Variants in MICAL2 observed in about 807,000 individuals in gnomAD.
The protein encoded by MICAL2 is [F-actin]-monooxygenase MICAL2.
A neutral mutation model predicts 127.3 loss-of-function variants in MICAL2; 77 were observed. That is an observed-to-expected ratio of 0.60 (90% CI 0.50 to 0.73). The LOEUF (loss-of-function observed/expected upper bound fraction) is 0.73. Ranked by LOEUF, MICAL2 falls within the 30% of genes least tolerant of loss-of-function variation. The pLI is 0.00. For missense variants in MICAL2, 1,351 were observed against 1,434.4 expected (o/e 0.94, Z 0.94); for synonymous variants, 570 against 551.1 (o/e 1.03, Z -0.48).
At chr11:12,316,934 G>A (rs1864238963) in intron 29 of MICAL2, among the ~76,000 whole-genome samples, 1 of 152,050 alleles carries the variant, frequency 6.6e-6, no homozygotes, top group South Asian at 2.1e-4. Flanking sequence ...CTCTATCAAT[G>A]CCTTAAATTT....
At chr11:12,182,963 C>T (rs553307838) in intron 3 of MICAL2, among the ~76,000 whole-genome samples, 12 of 152,174 alleles carry the variant, frequency 7.9e-5, no homozygotes, top group South Asian at 2.1e-4. Context: ...TCATTGTCCT[C>T]GGTGGCCCCG....
At chr11:12,140,557 A>T (rs1852255756) in intron 2 of MICAL2, among the ~76,000 whole-genome samples, 1 of 151,182 alleles carries the variant, frequency 6.6e-6, no homozygotes, top group African/African-American at 2.4e-5. Flanking sequence ...GGCAGCAAAG[A>T]GAACACTACC....
At chr11:12,326,524 A>AACATCTTGTGTCTC (rs1452063156) in intron 31 of MICAL2, among the ~76,000 whole-genome samples, 1 of 152,224 alleles carries the variant, frequency 6.6e-6, no homozygotes, top group Non-Finnish European at 1.5e-5. Context: ...TAACAAGTTA[A>AACATCTTGTGTCTC]ACATCTTGTG....
chr11:12,216,426 G>C (rs1339667909), intron 8 of MICAL2, 107 bp downstream of exon 8: 4 of 833,914 alleles, frequency 4.8e-6, no homozygotes, highest in Non-Finnish European at 8.0e-6. Flanking sequence ...AGGGGAGGAG[G>C]GGGGAAGGTG....
intron 2 of MICAL2, among the ~76,000 whole-genome samples, chr11:12,139,651 A>T (rs1277136256): frequency 2.0e-5 from 3 of 152,152 alleles, no homozygotes; most frequent in Non-Finnish European, 4.4e-5. Flanking sequence ...AGGAATTCTC[A>T]TTCTTAGTAT....
chr11:12,234,693 C>T (rs1490658642), intron 15 of MICAL2, among the ~76,000 whole-genome samples: 1 of 152,082 alleles, frequency 6.6e-6, no homozygotes, highest in African/African-American at 2.4e-5. Context: ...AAATCTGGTG[C>T]TGGTAAATAT....
At chr11:12,326,023 T>A (rs140411803) in intron 31 of MICAL2, among the ~76,000 whole-genome samples, 1 of 152,320 alleles carries the variant, frequency 6.6e-6, no homozygotes, top group Non-Finnish European at 1.5e-5. Context: ...AGATTTTATG[T>A]TGGGACTTAA....
At chr11:12,265,251 T>C (rs1033410351), downstream of MICAL2, among the ~76,000 whole-genome samples, 3 of 152,258 alleles carry the variant, frequency 2.0e-5, no homozygotes, top group Non-Finnish European at 4.4e-5. Flanking sequence ...AGCTGTCCCA[T>C]ACTTATGTGA....
intron 18 of MICAL2, among the ~76,000 whole-genome samples, chr11:12,241,765 G>T (rs530002058): frequency 6.6e-6 from 1 of 152,352 alleles, no homozygotes; most frequent in Non-Finnish European, 1.5e-5. Flanking sequence ...GTTGCTCCCA[G>T]GTGGTGGAGG....
intron 4 of MICAL2, among the ~76,000 whole-genome samples, chr11:12,206,830 A>G (rs530664529): frequency 2.0e-5 from 3 of 151,766 alleles, no homozygotes; most frequent in Admixed American, 2.0e-4. Context: ...CTCCTTTCCA[A>G]TTCCAATCCC....
At chr11:12,293,139 G>A (rs1281200734), downstream of MICAL2, among the ~76,000 whole-genome samples, 1 of 152,298 alleles carries the variant, frequency 6.6e-6, no homozygotes, top group Non-Finnish European at 1.5e-5. Context: ...ACCTATGGGT[G>A]GATCATGCCT....
intron 33 of MICAL2, among the ~76,000 whole-genome samples, chr11:12,353,038 C>T (rs181673191): frequency 5.9e-5 from 9 of 152,300 alleles, no homozygotes; most frequent in South Asian, 4.2e-4. Context: ...AAGATCTGAC[C>T]GGTCCATCTC....
chr11:12,299,984 G>A (rs530322978), intron 29 of MICAL2, among the ~76,000 whole-genome samples: 21 of 152,268 alleles, frequency 1.4e-4, no homozygotes, highest in South Asian at 2.1e-4. Context: ...GCTCCCTAGC[G>A]TGCTTGCTGT....
intron 30 of MICAL2, among the ~76,000 whole-genome samples, chr11:12,321,688 A>T (rs917944028): frequency 6.6e-6 from 1 of 152,090 alleles, no homozygotes; most frequent in Non-Finnish European, 1.5e-5. Flanking sequence ...TTTCTGTATC[A>T]GCAACTTTTT....
chr11:12,170,399 G>A (rs1055136847), intron 3 of MICAL2, among the ~76,000 whole-genome samples: 8 of 152,158 alleles, frequency 5.3e-5, no homozygotes, highest in Non-Finnish European at 7.4e-5. Flanking sequence ...GCAATAAGCC[G>A]TGATTGTGCC....
chr11:12,286,985 CTT>C, intron 2 of MICAL2: 1 of 397,898 alleles, frequency 2.5e-6, no homozygotes, highest in Non-Finnish European at 4.4e-6. Flanking sequence ...AGTCTATTGA[CTT>C]GTGGTAATTG....
intron 1 of MICAL2, among the ~76,000 whole-genome samples, chr11:12,127,142 C>T (rs1295107948): frequency 6.6e-6 from 1 of 152,006 alleles, no homozygotes; most frequent in African/African-American, 2.4e-5. Flanking sequence ...GGATGAAGGC[C>T]CAGGGTCTCA....
chr11:12,350,786 T>A (rs1400322334), intron 33 of MICAL2, among the ~76,000 whole-genome samples: 1 of 152,226 alleles, frequency 6.6e-6, no homozygotes, highest in Non-Finnish European at 1.5e-5. Context: ...ATTCGTTTCC[T>A]AGGCTGCAAT....
chr11:12,112,224 T>C (rs756418284), intron 1 of MICAL2, among the ~76,000 whole-genome samples: 28 of 152,154 alleles, frequency 1.8e-4, no homozygotes, highest in Admixed American at 5.9e-4. Context: ...CCCCACAGCG[T>C]GCTGACTAGA....
Sources: allele counts gnomAD v4.1 joint callset (sites outside exome capture counted in the v4.1 genomes callset), GRCh38; gene constraint gnomAD v4.1.1; transcripts MANE v1.5; gene names NCBI Gene and HGNC (gene_info 2026-07-23, HGNC 2026-07-21).